Variants in TUSC3 observed in about 807,000 individuals in gnomAD.
The protein encoded by TUSC3 is tumor suppressor candidate 3, also known as dolichyl-diphosphooligosaccharide--protein glycosyltransferase subunit TUSC3.
Under a neutral mutation model 44.8 loss-of-function variants are expected in TUSC3, and 45 were observed. The ratio of observed to expected loss-of-function variants is 1.00; its 90% CI spans 0.79 to 1.29. The LOEUF is 1.29. Ranked by LOEUF, TUSC3 falls within the 50% of genes most tolerant of loss-of-function variation. TUSC3 has a pLI of 0.00. For synonymous variants in TUSC3, 212 were observed against 152.9 expected (o/e 1.39, Z -2.85); for missense variants, 519 against 437.9 (o/e 1.19, Z -1.65).
chr8:15,842,198 A>C, the TUSC3 span, among the ~76,000 whole-genome samples: 1 of 152,152 alleles, frequency 6.6e-6, no homozygotes, highest in Admixed American at 6.6e-5. Flanking sequence ...TCCTTGTAAG[A>C]AGCTACATCC....
At chr8:15,839,538 C>A in the TUSC3 span, among the ~76,000 whole-genome samples, 1 of 151,588 alleles carries the variant, frequency 6.6e-6, no homozygotes, top group African/African-American at 2.4e-5. Context: ...AGAAAAAAAA[C>A]AAACGACCCC....
chr8:15,610,408 T>A (rs549924867), intron 1 of TUSC3, among the ~76,000 whole-genome samples: 98 of 152,280 alleles, frequency 6.4e-4, no homozygotes, highest in African/African-American at 2.2e-3. Flanking sequence ...GTATTTTCAA[T>A]GTAGAATTTA....
At chr8:15,479,424 A>T (rs999211142) in intron 1 of TUSC3, among the ~76,000 whole-genome samples, 1 of 152,142 alleles carries the variant, frequency 6.6e-6, no homozygotes, top group African/African-American at 2.4e-5. Context: ...TGGGTTTTAC[A>T]TTTCAGCTTT....
intron 8 of TUSC3, 44 bp from the exon 9 acceptor site, chr8:15,748,331 T>C (rs1374133552): frequency 7.1e-7 from 1 of 1,416,918 alleles, no homozygotes; most frequent in African/African-American, 1.4e-5. Flanking sequence ...GGGGTTTCAT[T>C]TGCATATTTT....
rs904043650 is a variant in TUSC3 at position 15,720,007 on chromosome 8, C to G, written c.799-10659C>G. The stretch of plus-strand genomic sequence containing the variant: ...GGTCACAGCTAACTATAACATCAAA[C>G]TCCTGGGCTTAAGTGATCCTCCTGC... On this transcript the variant is annotated intron_variant, in intron 6 of 10. Coordinates refer to ENST00000503731, the MANE Select transcript of TUSC3 (RefSeq NM_006765.4). Among the ~76,000 whole-genome samples the G allele has an allele frequency of 3.3e-5, 5 of 152,126 alleles. No homozygotes were observed. In the South Asian group the frequency reaches 8.3e-4, roughly 25 times the overall value.
chr8:15,566,073 G>A (rs938922185), intron 1 of TUSC3, among the ~76,000 whole-genome samples: 2 of 151,954 alleles, frequency 1.3e-5, no homozygotes, highest in East Asian at 1.9e-4. Flanking sequence ...TCTGTCCATC[G>A]TTTGTTAACA....
At chr8:15,829,462 ATTTATCTCAGAGCAG>A in the TUSC3 span, among the ~76,000 whole-genome samples, 1 of 152,114 alleles carries the variant, frequency 6.6e-6, no homozygotes. Context: ...ATAAGGGTTA[ATTTATCTCAGAGCAG>A]TTTCGTTGCA....
chr8:15,769,038 G>A (rs1411883114), downstream of TUSC3, among the ~76,000 whole-genome samples: 1 of 152,000 alleles, frequency 6.6e-6, no homozygotes, highest in Non-Finnish European at 1.5e-5. Flanking sequence ...CCATCAACCT[G>A]CCATTGACTT....
chr8:15,646,177 G>A (rs1463096659), intron 2 of TUSC3, among the ~76,000 whole-genome samples: 3 of 152,116 alleles, frequency 2.0e-5, no homozygotes, highest in Admixed American at 1.3e-4. Flanking sequence ...CCTAAAGAGA[G>A]GCAGTTTTTG....
At chr8:15,662,372 G>A (rs1020950757) in intron 5 of TUSC3, 76 bp downstream of exon 5, 35 of 1,582,914 alleles carry the variant, frequency 2.2e-5, no homozygotes, top group African/African-American at 1.9e-4. Context: ...TTAACAAAAT[G>A]AGCCAGATAT....
At chr8:15,583,665 A>G (rs181623664) in intron 1 of TUSC3, among the ~76,000 whole-genome samples, 1 of 152,204 alleles carries the variant, frequency 6.6e-6, no homozygotes, top group Non-Finnish European at 1.5e-5. Context: ...ATAGCAAGCT[A>G]ATTTGTACTG....
chr8:15,847,178 G>T, the TUSC3 span, among the ~76,000 whole-genome samples: 1 of 152,202 alleles, frequency 6.6e-6, no homozygotes, highest in South Asian at 2.1e-4. Flanking sequence ...AGAGGCAGGG[G>T]AAGGACTTTG....
the TUSC3 span, among the ~76,000 whole-genome samples, chr8:15,823,704 T>C: frequency 6.6e-6 from 1 of 152,316 alleles, no homozygotes; most frequent in African/African-American, 2.4e-5. Flanking sequence ...ACCCCTGTTA[T>C]TTACAAAGGA....
At chr8:15,835,105 T>C in the TUSC3 span, among the ~76,000 whole-genome samples, 1 of 152,242 alleles carries the variant, frequency 6.6e-6, no homozygotes, top group African/African-American at 2.4e-5. Flanking sequence ...TTCATGCTAC[T>C]CTTCAGTAAC....
chr8:15,565,568 T>A (rs1802636135), intron 1 of TUSC3, among the ~76,000 whole-genome samples: 1 of 152,176 alleles, frequency 6.6e-6, no homozygotes, highest in Admixed American at 6.5e-5. Flanking sequence ...ACCAGGCTCT[T>A]GAGAATCTTC....
the TUSC3 span, among the ~76,000 whole-genome samples, chr8:15,802,712 C>T: frequency 2.0e-5 from 3 of 151,646 alleles, no homozygotes. Flanking sequence ...TCATATAGTC[C>T]ATCTGTGACC....
At chr8:15,571,322 G>A (rs1039612527) in intron 1 of TUSC3, among the ~76,000 whole-genome samples, 2 of 151,916 alleles carry the variant, frequency 1.3e-5, no homozygotes, top group African/African-American at 4.8e-5. Flanking sequence ...TTGAGACATG[G>A]GCTTGGTGCC....
chr8:15,845,614 C>G, the TUSC3 span, among the ~76,000 whole-genome samples: 1 of 152,218 alleles, frequency 6.6e-6, no homozygotes, highest in East Asian at 1.9e-4. Flanking sequence ...TGAATTGGGA[C>G]CCCTGAAACA....
the TUSC3 span, among the ~76,000 whole-genome samples, chr8:15,819,459 T>C: frequency 6.6e-6 from 1 of 152,200 alleles, no homozygotes; most frequent in Non-Finnish European, 1.5e-5. Context: ...TCATTCCTAA[T>C]TTATATTTAC....
Sources: gnomAD v4.1 joint callset for allele counts (sites outside exome capture counted in the v4.1 genomes callset) on GRCh38, gnomAD v4.1.1 for gene constraint, MANE v1.5 for transcripts, NCBI Gene and HGNC (gene_info 2026-07-23, HGNC 2026-07-21) for gene names.